Variants in DCBLD2 observed in about 807,000 individuals in gnomAD.
DCBLD2 encodes the protein discoidin, CUB and LCCL domain containing 2.
A neutral mutation model predicts 86.8 loss-of-function variants in DCBLD2; 54 were observed. The ratio of observed to expected loss-of-function variants is 0.62; its 90% CI spans 0.50 to 0.78. The LOEUF (loss-of-function observed/expected upper bound fraction) is 0.78. DCBLD2 is among the 30% of genes least tolerant of loss of function. The pLI, the probability that DCBLD2 is intolerant of heterozygous loss-of-function variation, is 0.00. For synonymous variants in DCBLD2, 354 were observed against 341.3 expected (o/e 1.04, Z -0.41); for missense variants, 908 against 954.2 (o/e 0.95, Z 0.64).
At chr3:98,874,130 C>T (rs2107515341) in intron 2 of DCBLD2, among the ~76,000 whole-genome samples, 1 of 152,260 alleles carries the variant, frequency 6.6e-6, no homozygotes, top group Non-Finnish European at 1.5e-5. Flanking sequence ...ACGCACCAGG[C>T]TAAAATAGCT....
intron 12 of DCBLD2, among the ~76,000 whole-genome samples, chr3:98,809,350 A>G (rs753899368): frequency 5.3e-5 from 8 of 152,114 alleles, no homozygotes; most frequent in Non-Finnish European, 1.2e-4. Context: ...TTTATTCCTT[A>G]AAACAACTGT....
At chr3:98,838,465 C>T (rs1408797562) in intron 3 of DCBLD2, among the ~76,000 whole-genome samples, 12 of 142,230 alleles carry the variant, frequency 8.4e-5, no homozygotes, top group Admixed American at 2.1e-4. Flanking sequence ...CGGGCAGAGA[C>T]GCTCCTCACT....
At chr3:98,890,143 G>A (rs762389267) in intron 1 of DCBLD2, among the ~76,000 whole-genome samples, 10 of 151,952 alleles carry the variant, frequency 6.6e-5, no homozygotes, top group Admixed American at 6.6e-5. Context: ...CTAATTTTTG[G>A]TACCTACAAA....
intron 1 of DCBLD2, among the ~76,000 whole-genome samples, chr3:98,895,609 C>T (rs568400606): frequency 6.6e-6 from 1 of 152,270 alleles, no homozygotes; most frequent in South Asian, 2.1e-4. Flanking sequence ...TGAGGCGTCT[C>T]CTACTTCTCC....
At chr3:98,834,736 G>T (rs1398814542) in intron 3 of DCBLD2, among the ~76,000 whole-genome samples, 2 of 151,982 alleles carry the variant, frequency 1.3e-5, no homozygotes, top group Admixed American at 6.6e-5. Flanking sequence ...TTTAGCTATT[G>T]TGAATAGTGC....
intron 2 of DCBLD2, among the ~76,000 whole-genome samples, chr3:98,872,098 A>T (rs1013578399): frequency 5.3e-5 from 8 of 152,166 alleles, no homozygotes; most frequent in Admixed American, 3.3e-4. Context: ...CAGTAGTCTT[A>T]GATCATTTTT....
chr3:98,800,828 C>A, intron 14 of DCBLD2, 112 bp from the exon 15 acceptor site: 3 of 1,436,902 alleles, frequency 2.1e-6, no homozygotes, highest in Non-Finnish European at 2.8e-6. Context: ...ACAAATATCT[C>A]TACAAACTTG....
rs1372682739 is a variant in DCBLD2 at position 98,796,111 on chromosome 3, TACTG to T, written c.*3257_*3260del. The T allele has an allele frequency of 6.6e-6, 1 of 152,602 alleles. No individual in the cohort carries two copies. The highest frequency in any genetic ancestry group is 1.9e-4 in the East Asian group (1 of 5,190). 9.5% of individuals were successfully genotyped at this position (152,602 alleles called of 1,614,324 possible). A position where few individuals can be genotyped will look rare whatever the true frequency, so the allele number is the denominator to read the frequency against. Reference sequence around the variant, plus strand: ...TCTAAATTCTAGCAACATATACAAATACTGAGTGACTACAGTACATGCCGAGGTA... The same window carrying T: ...TCTAAATTCTAGCAACATATACAAATAGTGACTACAGTACATGCCGAGGTA... On this transcript the variant is annotated 3_prime_UTR_variant, in exon 16 of 16. Transcript: ENST00000326840.
At chr3:98,820,942 C>T (rs1226085333) in intron 6 of DCBLD2, 1 of 99,402 alleles carries the variant, frequency 1.0e-5, no homozygotes, top group Non-Finnish European at 2.0e-5. Flanking sequence ...AAAGGTATAA[C>T]ATGGTAAAGG....
At chr3:98,856,064 C>T (rs1216785531) in intron 2 of DCBLD2, among the ~76,000 whole-genome samples, 1 of 152,166 alleles carries the variant, frequency 6.6e-6, no homozygotes, top group Non-Finnish European at 1.5e-5. Flanking sequence ...TGCCAAGCAT[C>T]ACAGATGAGA....
Position 98,797,752 on chromosome 3 carries a change from C to G in DCBLD2, c.*1620G>C, listed in dbSNP as rs538425755. The G allele has an allele frequency of 6.6e-6, 1 of 152,158 alleles. No homozygotes were observed. The highest frequency in any genetic ancestry group is 1.5e-5 in the Non-Finnish European group (1 of 68,030). The allele number at this position is 152,158 out of a possible 1,614,324, so 9.4% of individuals were successfully genotyped here. ...CTTTCTGAAGCGATGTTTTAGAATACTGATATAATTCATGGAAACAAGAAA... is the reference window on the plus strand; with the variant it reads ...CTTTCTGAAGCGATGTTTTAGAATAGTGATATAATTCATGGAAACAAGAAA... On this transcript the variant is annotated 3_prime_UTR_variant, in exon 16 of 16. Transcript: ENST00000326840.
In DCBLD2 at chr3:98,799,581, G is replaced by A. The variant is rs752234891; in HGVS notation, c.2119C>T (p.Gln707Ter). The change falls in exon 16 of 16, where the codon CAA becomes TAA. Residue 707 changes from glutamine (Q) to a stop codon, truncating the protein, a stop_gained. Transcript: ENST00000326840. LOFTEE classifies it high-confidence loss of function. ...TAAGTTCCCACTAGTGGGGGAGGTTGGTTCCCCGTAGCCTTGAAAGTGGAT... is the reference window on the plus strand; with the variant it reads ...TAAGTTCCCACTAGTGGGGGAGGTTAGTTCCCCGTAGCCTTGAAAGTGGAT... ...STSTFKATGNQPPPLVGTYNT... is the reference protein window; with the variant it reads ...STSTFKATGN 6.2e-7 allele frequency: 1 copy of A among 1,613,998 alleles called. No homozygotes were observed. Among genetic ancestry groups the A allele is most frequent in the Non-Finnish European group, 8.5e-7 (1 of 1,179,886 alleles).
chr3:98,822,476 T>G (rs772363472), intron 5 of DCBLD2, 115 bp from the exon 6 acceptor site: 19 of 1,358,864 alleles, frequency 1.4e-5, no homozygotes, highest in Non-Finnish European at 1.9e-5. Flanking sequence ...ATAAACTTCA[T>G]AAACAAAAAT....
Position 98,865,576 on chromosome 3 carries a change from A to C in DCBLD2, c.433+15964T>G, listed in dbSNP as rs189886017. 6.6e-5 allele frequency among the ~76,000 whole-genome samples: 10 copies of C among 152,310 alleles called. No individual in the cohort carries two copies. In the South Asian group the frequency reaches 1.5e-3, roughly 22 times the overall value. ...TGTATTGTATAGTTAAAAATTGCTA[A>C]GAGATTTTTTAAGTGTTCTCACCAC... is the stretch of plus-strand genomic sequence containing the variant. On this transcript the variant is annotated intron_variant, in intron 2 of 15. Transcript: ENST00000326840.
Position 98,901,189 on chromosome 3 carries a change from G to A in DCBLD2, c.138C>T (p.Ser46=). 1 of 1,537,100 alleles carries A rather than the reference G, an allele frequency of 6.5e-7. No homozygotes were observed. Among genetic ancestry groups the A allele is most frequent in the Non-Finnish European group, 8.7e-7 (1 of 1,146,670 alleles). ...LPPCSNSSSF[S]MPLFLLLLLV... is the part of the protein sequence containing the mutation. ...GTAAGAGCAGGAGGAACAGAGGCATGGAGAAGGAGGAGGAGTTGGAGCAGG... is the reference window on the plus strand; with the variant it reads ...GTAAGAGCAGGAGGAACAGAGGCATAGAGAAGGAGGAGGAGTTGGAGCAGG... The change falls in exon 1 of 16, where the codon TCC becomes TCT. Residue 46 remains serine (S), a synonymous_variant. Coordinates refer to ENST00000326840, the MANE Select transcript of DCBLD2 (RefSeq NM_080927.4).
intron 2 of DCBLD2, among the ~76,000 whole-genome samples, chr3:98,856,070 T>C (rs140580454): frequency 7.9e-5 from 12 of 152,338 alleles, no homozygotes; most frequent in Non-Finnish European, 1.3e-4. Flanking sequence ...GCATCACAGA[T>C]GAGACATTCA....
At chr3:98,819,111 G>T in intron 8 of DCBLD2, 91 bp downstream of exon 8, 1 of 1,200,110 alleles carries the variant, frequency 8.3e-7, no homozygotes, top group Non-Finnish European at 1.2e-6. Context: ...CAATTTTAAT[G>T]CCTTAATTTT....
rs141846723 is a variant in DCBLD2, at chr3:98,833,747, C to A, written c.572-8381G>T. On this transcript the variant is annotated intron_variant, in intron 3 of 15. Transcript: ENST00000326840. ...TACTGTGCTTGGGGTTCAGACCAGG[C>A]TTCAGTCCCATGGACTCTCCAGAGC... Among the ~76,000 whole-genome samples the A allele has an allele frequency of 7.8e-3, 1,181 of 152,290 alleles. 27 individuals carry two copies. Among genetic ancestry groups the A allele is most frequent in the African/African-American group, 0.027 (1,127 of 41,548 alleles).
intron 2 of DCBLD2, among the ~76,000 whole-genome samples, chr3:98,863,558 A>G (rs556194243): frequency 2.0e-5 from 3 of 152,322 alleles, no homozygotes; most frequent in Non-Finnish European, 2.9e-5. Context: ...AAATAATACC[A>G]TACATTTACA....
Sources: allele counts gnomAD v4.1 joint callset (sites outside exome capture counted in the v4.1 genomes callset), GRCh38; gene constraint gnomAD v4.1.1; transcripts MANE v1.5; gene names NCBI Gene and HGNC (gene_info 2026-07-23, HGNC 2026-07-21).